Variants in SMAD4 observed in about 807,000 individuals in gnomAD.
The protein encoded by SMAD4 is MAD homolog 4.
Under a neutral mutation model 63.2 loss-of-function variants are expected in SMAD4, and 7 were observed. The ratio of observed to expected loss-of-function variants is 0.11; its 90% CI spans 0.06 to 0.21. The LOEUF (loss-of-function observed/expected upper bound fraction) is 0.21, where lower values mean the gene tolerates loss of function less well. Ranked by LOEUF, SMAD4 falls within the 10% of genes least tolerant of loss-of-function variation. The pLI, the probability that SMAD4 is intolerant of heterozygous loss-of-function variation, is 1.00. For synonymous variants in SMAD4, 215 were observed against 235.4 expected (o/e 0.91, Z 0.79); for missense variants, 312 against 693.8 (o/e 0.45, Z 6.18).
intron 7 of SMAD4, among the ~76,000 whole-genome samples, chr18:51,059,557 G>A (rs1909948983): frequency 6.6e-6 from 1 of 152,138 alleles, no homozygotes; most frequent in Admixed American, 6.5e-5. Flanking sequence ...AAATTGTACT[G>A]TATTGGACGT....
chr18:51,065,874 T>C (rs1404003686), intron 9 of SMAD4, among the ~76,000 whole-genome samples: 1 of 152,200 alleles, frequency 6.6e-6, no homozygotes, highest in African/African-American at 2.4e-5. Context: ...GAAATTCAGT[T>C]TGAAAATTTT....
chr18:51,046,875 G>A (rs1295417020), intron 1 of SMAD4, 45 bp from the exon 2 acceptor site: 5 of 611,470 alleles, frequency 8.2e-6, no homozygotes, highest in Admixed American at 3.0e-5. Context: ...GATCTACTTC[G>A]TAAAATGTGT....
At position 51,047,308 on chromosome 18, in the gene SMAD4, A is replaced by AAT. The variant is rs1467195416; in HGVS notation, c.249+13_249+14insAT. 2.3e-5 allele frequency: 37 copies of AAT among 1,613,014 alleles called. No individual in the cohort carries two copies. Among genetic ancestry groups the AAT allele is most frequent in the Non-Finnish European group, 3.1e-5 (37 of 1,179,398 alleles). On this transcript the variant is annotated intron_variant, in intron 2 of 11. Transcript: ENST00000342988. ...TGGGAGGCTTCAGGTTAGTCTTATA[A>AAT]GAGTTTTTCTATACCCTCTATGGTG...
intron 10 of SMAD4, among the ~76,000 whole-genome samples, chr18:51,075,252 C>T (rs1424735979): frequency 6.6e-6 from 1 of 151,974 alleles, no homozygotes; most frequent in African/African-American, 2.4e-5. Context: ...ATGTAAATAC[C>T]ATGGTTGAAG....
intron 1 of SMAD4, among the ~76,000 whole-genome samples, chr18:51,036,814 C>G (rs1409984700): frequency 6.6e-6 from 1 of 152,110 alleles, no homozygotes. Flanking sequence ...GATACATCCC[C>G]CTTTGAAGGA....
At chr18:51,041,023 A>C (rs1159480488) in intron 1 of SMAD4, among the ~76,000 whole-genome samples, 1 of 152,148 alleles carries the variant, frequency 6.6e-6, no homozygotes, top group East Asian at 1.9e-4. Context: ...TAAAGACTCC[A>C]GTCTTTTCTA....
chr18:51,035,022 T>A (rs144795539), intron 1 of SMAD4, among the ~76,000 whole-genome samples: 19 of 152,352 alleles, frequency 1.2e-4, no homozygotes, highest in Non-Finnish European at 2.1e-4. Flanking sequence ...ACTGTTTCAC[T>A]TGTGTTAGCT....
rs147352474 is a variant in SMAD4, at chr18:51,081,381, C to T, written c.*2914C>T. The T allele has an allele frequency of 8.0e-4, 184 of 229,532 alleles. No individual in the cohort carries two copies. Among genetic ancestry groups the T allele is most frequent in the East Asian group, 4.9e-3 (78 of 16,024 alleles). 14.2% of individuals were successfully genotyped at this position (229,532 alleles called of 1,614,324 possible). On this transcript the variant is annotated 3_prime_UTR_variant, in exon 12 of 12. Coordinates refer to ENST00000342988, the MANE Select transcript of SMAD4 (RefSeq NM_005359.6). ...CCTTCATGGTGTTGCCTTTATTTTC[C>T]GGGGAGTAGATCGTGGGATATAGTC... is the stretch of plus-strand genomic sequence containing the variant.
intron 10 of SMAD4, among the ~76,000 whole-genome samples, chr18:51,074,721 A>G (rs1910428865): frequency 1.3e-5 from 2 of 152,188 alleles, no homozygotes; most frequent in Admixed American, 6.5e-5. Context: ...ACCTTTTCAA[A>G]TGTTTGAGTC....
intron 8 of SMAD4, among the ~76,000 whole-genome samples, chr18:51,062,911 G>A (rs1262387468): frequency 7.6e-6 from 1 of 131,290 alleles, no homozygotes; most frequent in African/African-American, 2.9e-5. Context: ...AGGCTGGAGT[G>A]CAGTGGCGCG....
rs1165918024 is a variant in SMAD4 at position 51,030,783 on chromosome 18, C to T, written c.-128+160C>T. On this transcript the variant is annotated intron_variant, in intron 1 of 11. Transcript: ENST00000342988. ...AGGGCGACCGCGGCGGCCTGACGAG[C>T]CGGGCCGGGCGGGCCGGCTGAATGC... 4.6e-5 allele frequency among the ~76,000 whole-genome samples: 7 copies of T among 151,466 alleles called. No individual in the cohort carries two copies. In the East Asian group the frequency reaches 1.4e-3, roughly 30 times the overall value.
At chr18:51,065,034 A>G (rs1332534263) in intron 8 of SMAD4, among the ~76,000 whole-genome samples, 1 of 152,280 alleles carries the variant, frequency 6.6e-6, no homozygotes, top group Non-Finnish European at 1.5e-5. Context: ...ATGTGTAGTC[A>G]AATGAAATAC....
intron 1 of SMAD4, among the ~76,000 whole-genome samples, chr18:51,046,600 A>G (rs567141090): frequency 1.2e-4 from 18 of 152,232 alleles, no homozygotes; most frequent in Non-Finnish European, 2.2e-4. Context: ...AAGTGCTGGT[A>G]AGATTTTCCT....
chr18:51,071,194 A>G (rs1910306224), intron 10 of SMAD4, among the ~76,000 whole-genome samples: 1 of 152,132 alleles, frequency 6.6e-6, no homozygotes, highest in South Asian at 2.1e-4. Context: ...ATTGGGGTAA[A>G]TTGTATGTAG....
chr18:51,047,524 GAAAATA>G (rs1028841350), intron 2 of SMAD4, among the ~76,000 whole-genome samples: 19 of 151,322 alleles, frequency 1.3e-4, no homozygotes, highest in African/African-American at 3.9e-4. Flanking sequence ...AGAAAATTTG[GAAAATA>G]AAAATAAAAA....
intron 10 of SMAD4, among the ~76,000 whole-genome samples, chr18:51,071,545 C>T (rs1309102373): frequency 6.6e-6 from 1 of 152,106 alleles, no homozygotes; most frequent in Non-Finnish European, 1.5e-5. Flanking sequence ...CTTTTGCTTT[C>T]AAAAGTAAAA....
chr18:51,041,900 C>T lies in SMAD4; in HGVS notation c.-127-5020C>T, dbSNP rs549820782. Among the ~76,000 whole-genome samples, 175 of 152,302 alleles carry T rather than the reference C, an allele frequency of 1.1e-3. 1 individual carries two copies. Among genetic ancestry groups the T allele is most frequent in the African/African-American group, 3.7e-3 (154 of 41,562 alleles). The stretch of plus-strand genomic sequence containing the variant: ...ATAGACTAGCCAATCCTGACTGATA[C>T]GTTGTGCCAAGACCTAGGTTACCTA... On this transcript the variant is annotated intron_variant, in intron 1 of 11. Transcript: ENST00000342988.
Position 51,084,350 on chromosome 18 carries a change from A to T in SMAD4, c.*5883A>T. On this transcript the variant is annotated 3_prime_UTR_variant, in exon 12 of 12. Coordinates refer to ENST00000342988, the MANE Select transcript of SMAD4 (RefSeq NM_005359.6). The stretch of plus-strand genomic sequence containing the variant: ...CTCAAGAAAACAATACCAGTAGATG[A>T]TTATTAACTTTATTCTTGGCTCTTT... 1 of 229,834 alleles carries T rather than the reference A, an allele frequency of 4.4e-6. No individual in the cohort carries two copies. Among genetic ancestry groups the T allele is most frequent in the Non-Finnish European group, 8.6e-6 (1 of 115,888 alleles). The allele number at this position is 229,834 out of a possible 1,614,324, so 14.2% of individuals were successfully genotyped here.
intron 8 of SMAD4, among the ~76,000 whole-genome samples, chr18:51,062,273 A>G (rs1459687381): frequency 1.3e-5 from 2 of 152,174 alleles, no homozygotes; most frequent in African/African-American, 4.8e-5. Context: ...GAAATGTAAT[A>G]TACAGAAAAG....
Sources: gnomAD v4.1 joint callset for allele counts (sites outside exome capture counted in the v4.1 genomes callset) on GRCh38, gnomAD v4.1.1 for gene constraint, MANE v1.5 for transcripts, NCBI Gene and HGNC (gene_info 2026-07-23, HGNC 2026-07-21) for gene names.